The following PALM2AKAP2 variants were observed in gnomAD, a reference collection of about 807,000 sequenced individuals.
PALM2AKAP2 encodes the protein PALM2 and AKAP2 fusion, also known as PALM2-AKAP2 fusion protein.
PALM2AKAP2 carries 37 observed loss-of-function variants against 71.5 expected under a neutral mutation model. That is an observed-to-expected ratio of 0.52 (90% CI 0.40 to 0.68). The LOEUF (loss-of-function observed/expected upper bound fraction) is 0.68. Among genes scored for constraint, PALM2AKAP2 ranks in the 30% least tolerant of loss-of-function variants. The probability of loss-of-function intolerance (pLI) is 0.00; values close to 1 mark genes in which losing one functional copy is unlikely to be tolerated. For missense variants in PALM2AKAP2, 1,224 were observed against 1,191.8 expected (o/e 1.03, Z -0.40); for synonymous variants, 468 against 478.8 (o/e 0.98, Z 0.29).
chr9:109,659,239 C>G (rs1342513116), intron 1 of PALM2AKAP2, among the ~76,000 whole-genome samples: 2 of 152,090 alleles, frequency 1.3e-5, no homozygotes, highest in African/African-American at 4.8e-5. Flanking sequence ...ATTTAAATAC[C>G]ACACAATGAA....
At chr9:109,732,467 G>T (rs780008240) in intron 1 of PALM2AKAP2, among the ~76,000 whole-genome samples, 2 of 152,188 alleles carry the variant, frequency 1.3e-5, no homozygotes, top group African/African-American at 2.4e-5. Context: ...CCTAAGAATG[G>T]GTGGATGACA....
chr9:109,674,489 T>TGGTGG (rs1009837679), intron 1 of PALM2AKAP2, among the ~76,000 whole-genome samples: 14 of 152,208 alleles, frequency 9.2e-5, no homozygotes, highest in African/African-American at 3.4e-4. Flanking sequence ...GTTAAGTTAC[T>TGGTGG]GGTGGCCTCC....
intron 6 of PALM2AKAP2, among the ~76,000 whole-genome samples, chr9:110,003,980 T>C (rs1381262956): frequency 2.0e-5 from 3 of 152,220 alleles, no homozygotes; most frequent in African/African-American, 4.8e-5. Flanking sequence ...TGACTCTTTG[T>C]CTAATTTGCC....
upstream of PALM2AKAP2, among the ~76,000 whole-genome samples, chr9:110,046,941 A>G (rs1284142346): frequency 1.3e-5 from 2 of 152,180 alleles, no homozygotes; most frequent in African/African-American, 2.4e-5. Flanking sequence ...GTCCATATAA[A>G]TAAATAAGTG....
intron 6 of PALM2AKAP2, among the ~76,000 whole-genome samples, chr9:110,001,253 C>T (rs1832676144): frequency 6.6e-6 from 1 of 152,164 alleles, no homozygotes; most frequent in African/African-American, 2.4e-5. Context: ...TTTCCCAGCA[C>T]CATTTATTAA....
chr9:110,002,338 C>G (rs1832697098), intron 6 of PALM2AKAP2, among the ~76,000 whole-genome samples: 1 of 151,970 alleles, frequency 6.6e-6, no homozygotes, highest in African/African-American at 2.4e-5. Context: ...ATATGTTGAA[C>G]CAGCCTTGCA....
chr9:110,044,418 C>CT (rs1471409923), upstream of PALM2AKAP2, among the ~76,000 whole-genome samples: 2 of 119,590 alleles, frequency 1.7e-5, no homozygotes, highest in East Asian at 5.7e-4. Context: ...GTGGCCTGAT[C>CT]TCAGCTCACT....
intron 1 of PALM2AKAP2, among the ~76,000 whole-genome samples, chr9:110,062,498 T>TA (rs1833986388): frequency 1.3e-5 from 2 of 152,216 alleles, no homozygotes; most frequent in Admixed American, 1.3e-4. Context: ...AAAACTTATG[T>TA]AAATTAATTT....
At chr9:109,894,789 T>C (rs942446437) in intron 3 of PALM2AKAP2, among the ~76,000 whole-genome samples, 3 of 152,014 alleles carry the variant, frequency 2.0e-5, no homozygotes, top group Admixed American at 6.5e-5. Flanking sequence ...TTTCCTATAG[T>C]TTTTTTAAGA....
At chr9:110,038,669 C>T (rs552316457) in intron 7 of PALM2AKAP2, among the ~76,000 whole-genome samples, 11 of 151,930 alleles carry the variant, frequency 7.2e-5, no homozygotes, top group Non-Finnish European at 7.4e-5. Context: ...CTGGGCATGG[C>T]GGCTCATACC....
At chr9:109,726,363 C>A (rs1828477021) in intron 1 of PALM2AKAP2, among the ~76,000 whole-genome samples, 2 of 152,178 alleles carry the variant, frequency 1.3e-5, no homozygotes, top group African/African-American at 4.8e-5. Context: ...GTGGAGGCAA[C>A]CAGTGCCCAG....
intron 1 of PALM2AKAP2, among the ~76,000 whole-genome samples, chr9:109,829,229 G>A (rs762777283): frequency 2.6e-5 from 4 of 152,174 alleles, no homozygotes; most frequent in Non-Finnish European, 5.9e-5. Context: ...ATGGGTCAGC[G>A]AAACACATAC....
chr9:109,901,587 A>G (rs1037700516), intron 3 of PALM2AKAP2, among the ~76,000 whole-genome samples: 1 of 152,208 alleles, frequency 6.6e-6, no homozygotes, highest in African/African-American at 2.4e-5. Flanking sequence ...AACAGCTCAC[A>G]GGGGCCTCTG....
At chr9:109,786,053 A>T (rs1409653410) in intron 1 of PALM2AKAP2, among the ~76,000 whole-genome samples, 3 of 152,230 alleles carry the variant, frequency 2.0e-5, no homozygotes, top group Non-Finnish European at 4.4e-5. Context: ...AGACCTGGGT[A>T]TACGCTGTTG....
chr9:110,044,474 C>T (rs1207433356), upstream of PALM2AKAP2, among the ~76,000 whole-genome samples: 1 of 150,186 alleles, frequency 6.7e-6, no homozygotes, highest in Non-Finnish European at 1.5e-5. Flanking sequence ...GCCTCAGCCT[C>T]CCAAGTAGCT....
intron 1 of PALM2AKAP2, among the ~76,000 whole-genome samples, chr9:109,672,366 G>A (rs1201192002): frequency 6.6e-6 from 1 of 152,122 alleles, no homozygotes; most frequent in African/African-American, 2.4e-5. Context: ...TAATAATGCG[G>A]TTTTTGTCTT....
chr9:109,801,174 G>T (rs1461542783), intron 1 of PALM2AKAP2, among the ~76,000 whole-genome samples: 1 of 152,174 alleles, frequency 6.6e-6, no homozygotes, highest in Non-Finnish European at 1.5e-5. Context: ...TGTCCTAAAA[G>T]TATAGCACCA....
At chr9:110,086,106 C>CAA (rs34871967) in intron 1 of PALM2AKAP2, among the ~76,000 whole-genome samples, 972 of 80,178 alleles carry the variant, frequency 0.012, 8 homozygotes, top group Middle Eastern at 0.031. Context: ...GACTCCATCT[C>CAA]AAAAAAAAAA....
intron 1 of PALM2AKAP2, among the ~76,000 whole-genome samples, chr9:110,088,707 T>TTTTG (rs1564297908): frequency 5.0e-5 from 3 of 59,980 alleles, no homozygotes; most frequent in Non-Finnish European, 9.6e-5. Context: ...TTACGTGTTT[T>TTTTG]TTTTTTTTTT....
Sources: allele counts gnomAD v4.1 joint callset (sites outside exome capture counted in the v4.1 genomes callset), GRCh38; gene constraint gnomAD v4.1.1; transcripts MANE v1.5; gene names NCBI Gene and HGNC (gene_info 2026-07-23, HGNC 2026-07-21).